LRMDA: variants seen among roughly 807,000 people sequenced by gnomAD.
The protein encoded by LRMDA is leucine rich melanocyte differentiation associated.
In LRMDA, 18 loss-of-function variants were observed where a neutral mutation model predicts 29.8. The observed-to-expected ratio is 0.60, with a 90% CI of 0.42 to 0.90. LRMDA has a LOEUF of 0.90. LRMDA is among the 40% of genes least tolerant of loss of function. The pLI, the probability that LRMDA is intolerant of heterozygous loss-of-function variation, is 0.00. For missense variants in LRMDA, 273 were observed against 273.9 expected (o/e 1.00, Z 0.02); for synonymous variants, 125 against 109.4 (o/e 1.14, Z -0.89).
intron 2 of LRMDA, among the ~76,000 whole-genome samples, chr10:75,871,396 G>T (rs897696760): frequency 2.0e-5 from 3 of 152,194 alleles, no homozygotes; most frequent in African/African-American, 4.8e-5. Flanking sequence ...TCCATCAGGG[G>T]TAACCTGCAA....
chr10:76,435,038 C>T (rs555750367), intron 6 of LRMDA, among the ~76,000 whole-genome samples: 6 of 152,268 alleles, frequency 3.9e-5, no homozygotes, highest in South Asian at 2.1e-4. Flanking sequence ...CACCCTGCCA[C>T]GTTTCTGCCC....
At chr10:75,481,907 C>T (rs1844859870) in intron 2 of LRMDA, among the ~76,000 whole-genome samples, 1 of 152,202 alleles carries the variant, frequency 6.6e-6, no homozygotes, top group African/African-American at 2.4e-5. Context: ...CCACCTGCTT[C>T]ATTCCTACTT....
intron 5 of LRMDA, among the ~76,000 whole-genome samples, chr10:76,280,193 A>G (rs1241612931): frequency 6.6e-6 from 1 of 152,230 alleles, no homozygotes; most frequent in African/African-American, 2.4e-5. Flanking sequence ...GAAATTAACC[A>G]GGAAAAACTG....
At chr10:76,244,454 G>A (rs1031365231) in intron 5 of LRMDA, among the ~76,000 whole-genome samples, 1 of 152,180 alleles carries the variant, frequency 6.6e-6, no homozygotes, top group African/African-American at 2.4e-5. Context: ...AATTAGAGGA[G>A]AAAGCATGGT....
intron 5 of LRMDA, among the ~76,000 whole-genome samples, chr10:76,254,885 T>C (rs141550065): frequency 6.6e-6 from 1 of 152,312 alleles, no homozygotes; most frequent in Non-Finnish European, 1.5e-5. Context: ...GTCAACTCCA[T>C]GTTGAAAAAC....
chr10:76,003,201 A>G (rs764372350), intron 2 of LRMDA, among the ~76,000 whole-genome samples: 7 of 152,040 alleles, frequency 4.6e-5, no homozygotes, highest in Non-Finnish European at 7.4e-5. Flanking sequence ...TGATATGGCA[A>G]CCCTCTTTCC....
intron 2 of LRMDA, among the ~76,000 whole-genome samples, chr10:75,819,994 TACTAGAGTGCCCAGAA>T: frequency 6.6e-6 from 1 of 152,190 alleles, no homozygotes; most frequent in Non-Finnish European, 1.5e-5. Context: ...ATGCACCAAA[TACTAGAGTGCCCAGAA>T]TCATAAATAA....
chr10:75,584,370 C>G (rs143971109), intron 2 of LRMDA, among the ~76,000 whole-genome samples: 75 of 152,272 alleles, frequency 4.9e-4, no homozygotes, highest in African/African-American at 1.8e-3. Flanking sequence ...CTACTGCTCT[C>G]CATGTATGTG....
intron 2 of LRMDA, among the ~76,000 whole-genome samples, chr10:75,769,091 T>G (rs900261593): frequency 6.6e-5 from 10 of 152,178 alleles, no homozygotes; most frequent in African/African-American, 2.4e-4. Context: ...GTGTTTTGAT[T>G]TCAGAAATTG....
chr10:76,037,782 C>G (rs901451792), intron 3 of LRMDA, among the ~76,000 whole-genome samples: 2 of 152,206 alleles, frequency 1.3e-5, no homozygotes, highest in Admixed American at 6.5e-5. Context: ...GGCCTCATCT[C>G]CACATACCAT....
intron 6 of LRMDA, among the ~76,000 whole-genome samples, chr10:76,533,344 A>G (rs1010545308): frequency 5.9e-5 from 9 of 152,250 alleles, no homozygotes; most frequent in African/African-American, 2.2e-4. Flanking sequence ...TTGCACTTTG[A>G]TTCTACCATG....
At chr10:75,989,606 T>A (rs1589278806) in intron 2 of LRMDA, among the ~76,000 whole-genome samples, 1 of 152,278 alleles carries the variant, frequency 6.6e-6, no homozygotes, top group Admixed American at 6.5e-5. Flanking sequence ...CAATGACTGA[T>A]AGTAACAGCA....
At chr10:75,777,115 G>A (rs1435842080) in intron 2 of LRMDA, among the ~76,000 whole-genome samples, 1 of 152,186 alleles carries the variant, frequency 6.6e-6, no homozygotes, top group African/African-American at 2.4e-5. Flanking sequence ...TGGGGGAGAC[G>A]GAAATGATTT....
chr10:75,466,966 A>T (rs1844659155), intron 2 of LRMDA, among the ~76,000 whole-genome samples: 1 of 151,772 alleles, frequency 6.6e-6, no homozygotes, highest in African/African-American at 2.4e-5. Flanking sequence ...CCAGTGACTC[A>T]GTTGATTTAT....
intron 2 of LRMDA, among the ~76,000 whole-genome samples, chr10:75,602,342 A>G (rs774171862): frequency 3.3e-5 from 5 of 152,202 alleles, no homozygotes; most frequent in Non-Finnish European, 7.3e-5. Flanking sequence ...TATGGACTGA[A>G]TAAACTTCAA....
intron 2 of LRMDA, among the ~76,000 whole-genome samples, chr10:75,993,915 T>C (rs964730550): frequency 6.6e-6 from 1 of 152,272 alleles, no homozygotes; most frequent in East Asian, 1.9e-4. Context: ...GATTGTTTTC[T>C]TTTTGATCAA....
chr10:76,114,374 TAAC>T (rs1327930788), intron 5 of LRMDA, among the ~76,000 whole-genome samples: 3 of 152,102 alleles, frequency 2.0e-5, no homozygotes, highest in Non-Finnish European at 4.4e-5. Flanking sequence ...GAAACAAACA[TAAC>T]AACAGGGCAA....
chr10:75,873,515 G>C (rs1047036784), intron 2 of LRMDA, among the ~76,000 whole-genome samples: 1 of 152,150 alleles, frequency 6.6e-6, no homozygotes, highest in African/African-American at 2.4e-5. Context: ...AACTGGCTTT[G>C]TTCTTTGGGG....
chr10:75,770,282 C>T (rs550632012), intron 2 of LRMDA, among the ~76,000 whole-genome samples: 3 of 152,100 alleles, frequency 2.0e-5, no homozygotes, highest in African/African-American at 7.2e-5. Context: ...CTGAGTGAGA[C>T]CCTGTCTCTT....
Sources: gnomAD v4.1 joint callset for allele counts (sites outside exome capture counted in the v4.1 genomes callset) on GRCh38, gnomAD v4.1.1 for gene constraint, MANE v1.5 for transcripts, NCBI Gene and HGNC (gene_info 2026-07-23, HGNC 2026-07-21) for gene names.